Variants in OSTC observed in about 807,000 individuals in gnomAD.
OSTC encodes the protein oligosaccharyltransferase complex subunit OSTC.
A neutral mutation model predicts 16.4 loss-of-function variants in OSTC; 16 were observed. The observed-to-expected ratio is 0.98, with a 90% CI of 0.66 to 1.49. OSTC has a LOEUF of 1.49. Among genes scored for constraint, OSTC ranks in the 40% most tolerant of loss-of-function variants. The pLI is 0.00. For synonymous variants in OSTC, 67 were observed against 68.5 expected (o/e 0.98, Z 0.11); for missense variants, 139 against 186.3 (o/e 0.75, Z 1.48).
At chr4:108,654,014 A>AAGGCCAAT (rs1726630209) in intron 1 of OSTC, among the ~76,000 whole-genome samples, 1 of 152,194 alleles carries the variant, frequency 6.6e-6, no homozygotes, top group Non-Finnish European at 1.5e-5. Flanking sequence ...TTTATAAAAG[A>AAGGCCAAT]AGAGGCCCAA....
Position 108,657,587 on chromosome 4 carries a change from G to A in OSTC, c.371G>A (p.Gly124Glu), listed in dbSNP as rs2110383649. ...KLNRFLLLFI[G>E]FVCVLLSFFM... ...AATAGATTCCTTCTTCTGTTCATTG[G>A]ATTCGTCTGTGTCCTATTGAGTTTT... The change falls in exon 3 of 4, where the codon GGA becomes GAA. Residue 124 changes from glycine to glutamate, a missense_variant. Transcript: ENST00000361564. The A allele has an allele frequency of 1.2e-6, 2 of 1,613,730 alleles. No homozygotes were observed. Among genetic ancestry groups the A allele is most frequent in the Non-Finnish European group, 1.7e-6 (2 of 1,179,796 alleles).
At chr4:108,656,176 G>A (rs1726696073) in intron 2 of OSTC, among the ~76,000 whole-genome samples, 1 of 152,078 alleles carries the variant, frequency 6.6e-6, no homozygotes. Context: ...TGAGGGTTCT[G>A]TTTCATCAGT....
intron 3 of OSTC, among the ~76,000 whole-genome samples, chr4:108,657,917 C>CTTTTTTTTTTTTTTT (rs70949037): frequency 3.0e-5 from 2 of 67,202 alleles, no homozygotes; most frequent in African/African-American, 1.2e-4. Context: ...GTCATTGTTT[C>CTTTTTTTTTTTTTTT]TTTTTTTTTT....
At chr4:108,662,826 AG>A (rs1210193533) in intron 3 of OSTC, among the ~76,000 whole-genome samples, 3 of 152,216 alleles carry the variant, frequency 2.0e-5, no homozygotes, top group Non-Finnish European at 4.4e-5. Context: ...GCGACTAAAA[AG>A]CTGATATCCG....
Position 108,650,731 on chromosome 4 carries a change from C to A in OSTC, c.76C>A (p.His26Asn). The part of the protein sequence containing the change: ...NLKLKKPPWL[H>N]MPSAMTVYAL... ...GAAGCTGAAGAAGCCGCCCTGGTTG[C>A]ACATGCCGTCGGCCATGACTGTGTA... is the stretch of plus-strand genomic sequence containing the variant. Residue 26 changes from histidine (H) to asparagine (N), a missense_variant, in exon 1 of 4, where the codon CAC (histidine) becomes AAC (asparagine). His to Asn is a moderately conservative substitution (Grantham distance 68). Coordinates refer to ENST00000361564, the MANE Select transcript of OSTC (RefSeq NM_021227.4). 4 of 1,614,212 alleles carry A rather than the reference C, an allele frequency of 2.5e-6. No homozygotes were observed. Among genetic ancestry groups the A allele is most frequent in the Non-Finnish European group, 3.4e-6 (4 of 1,180,030 alleles).
chr4:108,663,174 C>T (rs1387015968), intron 3 of OSTC: 2 of 455,354 alleles, frequency 4.4e-6, no homozygotes, highest in African/African-American at 4.0e-5. Context: ...TAGATTATGG[C>T]CACAGTTTCA....
intron 3 of OSTC, among the ~76,000 whole-genome samples, chr4:108,659,048 G>GGCTCACTGCAACCTCC (rs1726786159): frequency 2.2e-5 from 1 of 45,124 alleles, no homozygotes; most frequent in East Asian, 9.7e-4. Context: ...GTGCAATCTC[G>GGCTCACTGCAACCTCC]GCTCACTGCA....
intron 3 of OSTC, among the ~76,000 whole-genome samples, chr4:108,663,050 G>C (rs1726897779): frequency 6.6e-6 from 1 of 152,168 alleles, no homozygotes; most frequent in Non-Finnish European, 1.5e-5. Context: ...GTACCTTGGG[G>C]AGTTACAGTT....
At chr4:108,665,914 C>A (rs1403658245) in intron 3 of OSTC, among the ~76,000 whole-genome samples, 1 of 151,654 alleles carries the variant, frequency 6.6e-6, no homozygotes, top group Non-Finnish European at 1.5e-5. Flanking sequence ...TTTTCCTGAT[C>A]CTGTAGATTC....
At chr4:108,666,577 G>A (rs2110389907) in intron 3 of OSTC, among the ~76,000 whole-genome samples, 1 of 152,152 alleles carries the variant, frequency 6.6e-6, no homozygotes, top group South Asian at 2.1e-4. Flanking sequence ...TGGGCGTGGT[G>A]GCGGTCACCT....
In OSTC at chr4:108,666,480, TG is replaced by T. The variant is rs551241743; in HGVS notation, c.432-765del. On this transcript the variant is annotated intron_variant, in intron 3 of 3. Coordinates refer to ENST00000361564, the MANE Select transcript of OSTC (RefSeq NM_021227.4). ...ATCCCAGCACTTTGGGAGGCCGAGGTGGATGGATTAACTGAGGTCGGGCATT... is the reference window on the plus strand; with the variant it reads ...ATCCCAGCACTTTGGGAGGCCGAGGTGATGGATTAACTGAGGTCGGGCATT... Among the ~76,000 whole-genome samples the T allele has an allele frequency of 1.5e-4, 23 of 150,226 alleles. No individual in the cohort carries two copies. In the South Asian group the frequency reaches 4.9e-3, roughly 32 times the overall value.
intron 3 of OSTC, among the ~76,000 whole-genome samples, chr4:108,662,155 G>C (rs1472713154): frequency 6.6e-6 from 1 of 152,170 alleles, no homozygotes; most frequent in African/African-American, 2.4e-5. Flanking sequence ...GAGAAGAAAA[G>C]CTAAGGATCT....
intron 2 of OSTC, 141 bp downstream of exon 2, chr4:108,655,798 G>A (rs932350688): frequency 1.6e-6 from 1 of 607,338 alleles, no homozygotes; most frequent in East Asian, 3.1e-5. Flanking sequence ...ATTCTGAAAT[G>A]GCAGAAAGTG....
intron 3 of OSTC, among the ~76,000 whole-genome samples, chr4:108,666,143 C>T (rs1726994749): frequency 6.6e-6 from 1 of 152,136 alleles, no homozygotes. Context: ...ATTAGAGGTT[C>T]AGGGGCAGAT....
At chr4:108,651,042 C>T in intron 1 of OSTC, 1 of 474,544 alleles carries the variant, frequency 2.1e-6, no homozygotes. Context: ...CCTCCCATCC[C>T]AGGGATCCGA....
intron 1 of OSTC, among the ~76,000 whole-genome samples, chr4:108,651,921 A>G (rs1042747805): frequency 6.6e-6 from 1 of 152,220 alleles, no homozygotes; most frequent in African/African-American, 2.4e-5. Context: ...AATAGTGAGA[A>G]TTAACTTACG....
At chr4:108,660,201 G>A (rs946503848) in intron 3 of OSTC, among the ~76,000 whole-genome samples, 45 of 152,142 alleles carry the variant, frequency 3.0e-4, no homozygotes, top group Non-Finnish European at 4.0e-4. Context: ...TCTGGGTTTC[G>A]GTTGTAGATT....
chr4:108,659,959 T>G (rs892290319), intron 3 of OSTC, among the ~76,000 whole-genome samples: 1 of 152,192 alleles, frequency 6.6e-6, no homozygotes, highest in Admixed American at 6.5e-5. Context: ...TAGGAATGAG[T>G]CTATTAAGAA....
Position 108,667,339 on chromosome 4 carries a change from T to G in OSTC, c.*74T>G. 8.2e-7 allele frequency: 1 copy of G among 1,219,048 alleles called. No homozygotes were observed. 75.5% of individuals were successfully genotyped at this position (1,219,048 alleles called of 1,614,324 possible). A position where few individuals can be genotyped will look rare whatever the true frequency, so the allele number is the denominator to read the frequency against. ...GAAGTTTTAAAGGCTGTACCAATCC[T>G]CTAATATGAAATGTGGAAAAGAATG... On this transcript the variant is annotated 3_prime_UTR_variant, in exon 4 of 4. Transcript: ENST00000361564.
Sources: gnomAD v4.1 joint callset for allele counts (sites outside exome capture counted in the v4.1 genomes callset) on GRCh38, gnomAD v4.1.1 for gene constraint, MANE v1.5 for transcripts, NCBI Gene and HGNC (gene_info 2026-07-23, HGNC 2026-07-21) for gene names.